Variants in MAX observed in about 807,000 individuals in gnomAD.
MAX encodes MYC associated transcriptional regulator X.
MAX carries 3 observed loss-of-function variants against 22.3 expected under a neutral mutation model. The observed-to-expected ratio is 0.13, with a 90% CI of 0.06 to 0.35. The LOEUF (loss-of-function observed/expected upper bound fraction) is 0.35. MAX is among the 10% of genes least tolerant of loss of function. The pLI is 1.00. For missense variants in MAX, 119 were observed against 209.4 expected (o/e 0.57, Z 2.66); for synonymous variants, 72 against 77.7 (o/e 0.93, Z 0.39).
intron 3 of MAX, among the ~76,000 whole-genome samples, chr14:65,086,325 GAACTAGGT>G (rs1166112914): frequency 2.0e-5 from 3 of 152,198 alleles, no homozygotes; most frequent in Admixed American, 2.0e-4. Context: ...AGCAACTTTG[GAACTAGGT>G]AACAGGCAGA....
chr14:65,019,460 C>T (rs2061846827), intron 3 of MAX, among the ~76,000 whole-genome samples: 1 of 152,166 alleles, frequency 6.6e-6, no homozygotes, highest in Admixed American at 6.5e-5. Context: ...GCACTCCAGC[C>T]TGGGTAACAG....
At position 65,075,663 on chromosome 14, in the gene MAX, C is replaced by T. The variant is rs1284076995; in HGVS notation, c.*813G>A. 2.8e-6 allele frequency: 3 copies of T among 1,066,396 alleles called. No homozygotes were observed. In the African/African-American group the frequency reaches 4.9e-5, roughly 17 times the overall value. The allele number at this position is 1,066,396 out of a possible 1,614,324, so 66.1% of individuals were successfully genotyped here. A position where few individuals can be genotyped will look rare whatever the true frequency, so the allele number is the denominator to read the frequency against. The stretch of plus-strand genomic sequence containing the variant: ...GGAAATAAATATCAAAACATCATCA[C>T]TGGCCCTCAATACAAAACCTCTATG... On this transcript the variant is annotated 3_prime_UTR_variant, in exon 5 of 5. Coordinates refer to ENST00000358664, the MANE Select transcript of MAX (RefSeq NM_002382.5). The surrounding 1 kb of genome is among the most constrained non-coding windows in gnomAD (Gnocchi z 4.1).
chr14:65,018,193 T>C (rs1595031388), intron 3 of MAX, among the ~76,000 whole-genome samples: 2 of 151,402 alleles, frequency 1.3e-5, no homozygotes, highest in Admixed American at 1.3e-4. Context: ...AAAATAAAAA[T>C]AGCTGGGCGT....
In MAX at chr14:65,028,965, A is replaced by G. The variant is rs1288077874; in HGVS notation, c.172-22681T>C. ...AGCAAGATCCTTTTGGTATTTTATC[A>G]TATACCTTTTGCAGCTGTGATTATT... On this transcript the variant is annotated intron_variant, in intron 3 of 3. Transcript: ENST00000341653. This position sits in a 1 kb window ranked among gnomAD's most constrained non-coding sequence, Gnocchi z 4.4. Among the ~76,000 whole-genome samples the G allele has an allele frequency of 6.6e-6, 1 of 152,200 alleles. No individual in the cohort carries two copies. The highest frequency in any genetic ancestry group is 2.4e-5 in the African/African-American group (1 of 41,448).
At chr14:65,037,432 T>C (rs1343232849) in intron 3 of MAX, among the ~76,000 whole-genome samples, 2 of 119,534 alleles carry the variant, frequency 1.7e-5, no homozygotes, top group Non-Finnish European at 3.4e-5. Context: ...TTTTTTTTTT[T>C]TTTTTTTTTT....
At chr14:65,017,682 T>C (rs565013316) in intron 3 of MAX, among the ~76,000 whole-genome samples, 1 of 152,130 alleles carries the variant, frequency 6.6e-6, no homozygotes, top group Non-Finnish European at 1.5e-5. Context: ...AAGCTGGGTG[T>C]GGTGGCTCAC....
chr14:65,019,852 A>G (rs1053962212), intron 3 of MAX, among the ~76,000 whole-genome samples: 1 of 152,234 alleles, frequency 6.6e-6, no homozygotes, highest in Non-Finnish European at 1.5e-5. Context: ...AGATACAGAT[A>G]AATCTTAAGG....
At position 65,069,945 on chromosome 14, in the gene MAX, G is replaced by A. The variant is rs1470943139; in HGVS notation, c.171+23763C>T. On this transcript the variant is annotated intron_variant, in intron 3 of 3. Transcript: ENST00000341653. This position sits in a 1 kb window ranked among gnomAD's most constrained non-coding sequence, Gnocchi z 4.6. Reference sequence around the variant, plus strand: ...CTGGCTGGTCTTGTTGTGGCCTTTTGGCCCAAAGCTGTTGGCCACTGTCCT... The same window carrying A: ...CTGGCTGGTCTTGTTGTGGCCTTTTAGCCCAAAGCTGTTGGCCACTGTCCT... Among the ~76,000 whole-genome samples, 1 of 152,194 alleles carries A rather than the reference G, an allele frequency of 6.6e-6. No homozygotes were observed.
chr14:65,093,777 T>C lies in MAX; in HGVS notation c.102A>G (p.Lys34=), dbSNP rs1060503836. The C allele has an allele frequency of 3.7e-6, 6 of 1,611,584 alleles. No homozygotes were observed. In the African/African-American group the frequency reaches 6.7e-5, roughly 18 times the overall value. Residue 34 remains lysine, a synonymous_variant, in exon 3 of 5, where the codon AAA becomes AAG. Coordinates refer to ENST00000358664, the MANE Select transcript of MAX (RefSeq NM_002382.5). The surrounding 1 kb of genome is among the most constrained non-coding windows in gnomAD (Gnocchi z 4.4). The part of the protein sequence containing the change: ...KRAHHNALER[K]RRDHIKDSFH... ...AGCTGTCTTTGATGTGGTCCCTACG[T>C]TTTCGTTCCAGTGCATTATGATGAG...
intron 3 of MAX, among the ~76,000 whole-genome samples, chr14:65,068,409 T>G (rs1469703716): frequency 6.6e-6 from 1 of 152,226 alleles, no homozygotes; most frequent in African/African-American, 2.4e-5. Flanking sequence ...CACTCCAACC[T>G]GGGCGACAGC....
At chr14:65,006,370 G>A (rs1248199200) in intron 3 of MAX, 2 of 1,558,766 alleles carry the variant, frequency 1.3e-6, no homozygotes, top group Admixed American at 2.0e-5. Flanking sequence ...TTAACCCAAT[G>A]CTCTGACCTC....
intron 2 of MAX, among the ~76,000 whole-genome samples, chr14:65,101,136 C>T (rs2063819688): frequency 6.6e-6 from 1 of 152,226 alleles, no homozygotes; most frequent in Admixed American, 6.5e-5. Context: ...CCGCATGTGG[C>T]TTCAGCTTCA....
intron 3 of MAX, among the ~76,000 whole-genome samples, chr14:65,006,954 G>A (rs1327367453): frequency 1.3e-5 from 2 of 152,112 alleles, no homozygotes; most frequent in South Asian, 2.1e-4. Flanking sequence ...GAAAAAAAAA[G>A]TGTTCCTCCT....
intron 3 of MAX, among the ~76,000 whole-genome samples, chr14:65,018,809 T>TAAAAA (rs34066098): frequency 9.2e-6 from 1 of 108,434 alleles, no homozygotes; most frequent in Non-Finnish European, 1.8e-5. Flanking sequence ...GACTCTGTCT[T>TAAAAA]AAAAAAAAAA....
Position 65,023,094 on chromosome 14 carries a change from A to G in MAX, c.172-16810T>C, listed in dbSNP as rs902266731. Among the ~76,000 whole-genome samples the G allele has an allele frequency of 1.2e-4, 18 of 152,270 alleles. No homozygotes were observed. The highest frequency in any genetic ancestry group is 2.1e-4 in the South Asian group (1 of 4,822). On this transcript the variant is annotated intron_variant, in intron 3 of 3. Transcript: ENST00000341653. This position sits in a 1 kb window ranked among gnomAD's most constrained non-coding sequence, Gnocchi z 4.1. ...ATTGATTGAGACAGGGTCTCACTCTATTGTCTGGGCTGGAATGCAGTGGCA... is the reference window on the plus strand; with the variant it reads ...ATTGATTGAGACAGGGTCTCACTCTGTTGTCTGGGCTGGAATGCAGTGGCA...
Position 65,076,180 on chromosome 14 carries a change from G to T in MAX, c.*296C>A. 1 of 1,392,250 alleles carries T rather than the reference G, an allele frequency of 7.2e-7. No individual in the cohort carries two copies. Among genetic ancestry groups the T allele is most frequent in the East Asian group, 2.7e-5 (1 of 37,318 alleles). The allele number at this position is 1,392,250 out of a possible 1,614,324, so 86.2% of individuals were successfully genotyped here. A position where few individuals can be genotyped will look rare whatever the true frequency, so the allele number is the denominator to read the frequency against. On this transcript the variant is annotated 3_prime_UTR_variant, in exon 5 of 5. Coordinates refer to ENST00000358664, the MANE Select transcript of MAX (RefSeq NM_002382.5). This position sits in a 1 kb window ranked among gnomAD's most constrained non-coding sequence, Gnocchi z 6.6. Reference sequence around the variant, plus strand: ...CACTATGTGCTCAGAGGTCCGGCCGGCCGTCTGTCCTCCACAGAAAAAGCT... The same window carrying T: ...CACTATGTGCTCAGAGGTCCGGCCGTCCGTCTGTCCTCCACAGAAAAAGCT...
chr14:65,025,686 A>G (rs1447214144), intron 3 of MAX, among the ~76,000 whole-genome samples: 3 of 152,114 alleles, frequency 2.0e-5, no homozygotes, highest in Non-Finnish European at 4.4e-5. Context: ...GTGGTGGCTC[A>G]TGCCTGTAAT....
Position 65,028,455 on chromosome 14 carries a change from T to C in MAX, c.172-22171A>G, listed in dbSNP as rs1223105732. On this transcript the variant is annotated intron_variant, in intron 3 of 3. Transcript: ENST00000341653. This position sits in a 1 kb window ranked among gnomAD's most constrained non-coding sequence, Gnocchi z 4.4. ...ATTGAGATTTTATGCCATTTTCTTA[T>C]TATTTAGTTGAGAAATACATTTTGT... Among the ~76,000 whole-genome samples, 1 of 152,208 alleles carries C rather than the reference T, an allele frequency of 6.6e-6. No homozygotes were observed. Among genetic ancestry groups the C allele is most frequent in the Non-Finnish European group, 1.5e-5 (1 of 68,044 alleles).
rs1271993133 is a variant in MAX at position 65,076,201 on chromosome 14, A to G, written c.*275T>C. Reference sequence around the variant, plus strand: ...GCCGGCCGTCTGTCCTCCACAGAAAAAGCTGCCAAGTTGGGGTGTTTTGGT... The same window carrying G: ...GCCGGCCGTCTGTCCTCCACAGAAAGAGCTGCCAAGTTGGGGTGTTTTGGT... On this transcript the variant is annotated 3_prime_UTR_variant, in exon 5 of 5. Coordinates refer to ENST00000358664, the MANE Select transcript of MAX (RefSeq NM_002382.5). This position sits in a 1 kb window ranked among gnomAD's most constrained non-coding sequence, Gnocchi z 6.6. 3 of 1,414,168 alleles carry G rather than the reference A, an allele frequency of 2.1e-6. No individual in the cohort carries two copies. In the African/African-American group the frequency reaches 4.3e-5, roughly 20 times the overall value. The allele number at this position is 1,414,168 out of a possible 1,614,324, so 87.6% of individuals were successfully genotyped here.
Sources: allele counts gnomAD v4.1 joint callset (sites outside exome capture counted in the v4.1 genomes callset), GRCh38; gene constraint gnomAD v4.1.1; non-coding constraint Gnocchi (gnomAD v3.1); transcripts MANE v1.5; gene names NCBI Gene and HGNC (gene_info 2026-07-23, HGNC 2026-07-21).